The following UGGT2 variants were observed in gnomAD, a reference collection of about 807,000 sequenced individuals.
The protein encoded by UGGT2 is UDP-glucose glycoprotein glucosyltransferase 2.
UGGT2 carries 180 observed loss-of-function variants against 192.1 expected under a neutral mutation model. The observed-to-expected ratio is 0.94, with a 90% CI of 0.83 to 1.06. The LOEUF (loss-of-function observed/expected upper bound fraction) is 1.06. Ranked by LOEUF, UGGT2 falls within the 50% of genes least tolerant of loss-of-function variation. The pLI is 0.00. For synonymous variants in UGGT2, 580 were observed against 591.0 expected (o/e 0.98, Z 0.27); for missense variants, 1,849 against 1,795.7 (o/e 1.03, Z -0.54).
chr13:95,942,221 GGTGTGTGT>G (rs370041064), intron 15 of UGGT2, among the ~76,000 whole-genome samples: 1,939 of 118,026 alleles, frequency 0.016, 25 homozygotes, highest in South Asian at 0.042. Context: ...TTAGGGTGAG[GGTGTGTGT>G]GTGTGTGTGT....
intron 2 of UGGT2, among the ~76,000 whole-genome samples, chr13:96,026,811 A>G (rs2052683189): frequency 6.6e-6 from 1 of 151,936 alleles, no homozygotes; most frequent in African/African-American, 2.4e-5. Flanking sequence ...AGCTGGGACT[A>G]CAGGCGCCCT....
At chr13:95,978,134 A>G (rs2050997848) in intron 10 of UGGT2, among the ~76,000 whole-genome samples, 1 of 152,064 alleles carries the variant, frequency 6.6e-6, no homozygotes, top group Non-Finnish European at 1.5e-5. Flanking sequence ...GCACAAGTGT[A>G]CCTACGTAAC....
chr13:96,018,849 CA>C (rs2052422151), intron 4 of UGGT2, among the ~76,000 whole-genome samples: 1 of 150,348 alleles, frequency 6.7e-6, no homozygotes, highest in South Asian at 2.1e-4. Context: ...AAAAATTTAT[CA>C]GTCATTTCTT....
At chr13:95,881,522 T>C (rs1406376122) in intron 27 of UGGT2, among the ~76,000 whole-genome samples, 2 of 151,564 alleles carry the variant, frequency 1.3e-5, no homozygotes, top group African/African-American at 4.9e-5. Context: ...TAATACAGTA[T>C]TATTTAGGAT....
chr13:95,848,231 T>C (rs1407846650), intron 36 of UGGT2, among the ~76,000 whole-genome samples: 2 of 152,216 alleles, frequency 1.3e-5, no homozygotes, highest in Non-Finnish European at 2.9e-5. Flanking sequence ...CTTTTACAAA[T>C]ATATTTTTGC....
intron 12 of UGGT2, among the ~76,000 whole-genome samples, chr13:95,957,799 C>G (rs1272813485): frequency 6.6e-6 from 1 of 152,218 alleles, no homozygotes; most frequent in Non-Finnish European, 1.5e-5. Context: ...GTGTGACTCT[C>G]TCTCAGCATT....
intron 38 of UGGT2, among the ~76,000 whole-genome samples, chr13:95,828,612 A>T (rs1410325719): frequency 6.6e-6 from 1 of 152,126 alleles, no homozygotes; most frequent in Non-Finnish European, 1.5e-5. Context: ...CCCAAGACTA[A>T]ACCAGGAAGA....
chr13:95,954,519 C>A (rs1216339882), intron 12 of UGGT2, among the ~76,000 whole-genome samples: 1 of 152,172 alleles, frequency 6.6e-6, no homozygotes, highest in Non-Finnish European at 1.5e-5. Context: ...GAAGCTGCCA[C>A]CTGAAGGCTT....
At chr13:95,845,312 G>C (rs1888284142) in intron 36 of UGGT2, among the ~76,000 whole-genome samples, 1 of 147,204 alleles carries the variant, frequency 6.8e-6, no homozygotes, top group Admixed American at 6.8e-5. Flanking sequence ...TTCCTAGGCA[G>C]AGGGCCCTGC....
At chr13:95,936,328 T>G (rs1475895703) in intron 17 of UGGT2, among the ~76,000 whole-genome samples, 2 of 152,246 alleles carry the variant, frequency 1.3e-5, no homozygotes, top group East Asian at 3.8e-4. Context: ...ACCTACAAGC[T>G]AGTAGATAGC....
Position 95,940,459 on chromosome 13 carries a change from T to TTC in UGGT2, c.1678-369_1678-368insGA, listed in dbSNP as rs1305215130. Reference sequence around the variant, plus strand: ...TTCTGTAATTTTTTTCTTTTTCTTTTTTTTTTTTTTTTTTGAGACAGGGTC... The same window carrying TTC: ...TTCTGTAATTTTTTTCTTTTTCTTTTTCTTTTTTTTTTTTTTGAGACAGGGTC... On this transcript the variant is annotated intron_variant, in intron 15 of 38. Transcript: ENST00000376747. 2.3e-3 allele frequency among the ~76,000 whole-genome samples: 332 copies of TTC among 147,466 alleles called. 1 individual carries two copies. The highest frequency in any genetic ancestry group is 7.9e-3 in the African/African-American group (321 of 40,512).
intron 36 of UGGT2, among the ~76,000 whole-genome samples, chr13:95,837,736 C>T (rs1887462495): frequency 6.6e-6 from 1 of 152,190 alleles, no homozygotes; most frequent in Non-Finnish European, 1.5e-5. Context: ...TGGAGAGAAT[C>T]AGACAAATCT....
chr13:95,906,211 T>C (rs2048286267), intron 20 of UGGT2, among the ~76,000 whole-genome samples: 1 of 152,206 alleles, frequency 6.6e-6, no homozygotes, highest in African/African-American at 2.4e-5. Flanking sequence ...TCGATATTTT[T>C]CATACTATTG....
intron 17 of UGGT2, among the ~76,000 whole-genome samples, chr13:95,933,969 C>G (rs2049376555): frequency 6.6e-6 from 1 of 152,152 alleles, no homozygotes; most frequent in South Asian, 2.1e-4. Flanking sequence ...CAGGCGTGAG[C>G]CACCGCGCCT....
chr13:95,983,330 T>C (rs2051186443), intron 10 of UGGT2, among the ~76,000 whole-genome samples: 1 of 152,154 alleles, frequency 6.6e-6, no homozygotes, highest in Non-Finnish European at 1.5e-5. Flanking sequence ...GGCAGTGGTG[T>C]AAGCACTTTA....
At chr13:96,022,902 T>G (rs1173329649) in intron 4 of UGGT2, 138 bp downstream of exon 4, 16 of 470,670 alleles carry the variant, frequency 3.4e-5, no homozygotes, top group Non-Finnish European at 5.2e-5. Context: ...CTCAGATATA[T>G]TACGGTTTTC....
At chr13:95,981,944 T>A (rs2051138978) in intron 10 of UGGT2, among the ~76,000 whole-genome samples, 1 of 152,240 alleles carries the variant, frequency 6.6e-6, no homozygotes, top group South Asian at 2.1e-4. Flanking sequence ...GACATTATCA[T>A]CCTTGTCTTT....
intron 12 of UGGT2, among the ~76,000 whole-genome samples, chr13:95,969,789 C>T (rs1452225817): frequency 6.6e-6 from 1 of 152,200 alleles, no homozygotes; most frequent in Non-Finnish European, 1.5e-5. Context: ...GTTAAGGTAG[C>T]ACTTTTATAT....
rs146990164 is a variant in UGGT2 at position 95,914,612 on chromosome 13, TAAAAAAAAAAAAAAAAAAAAAA to T, written c.2295+11046_2295+11067del. Among the ~76,000 whole-genome samples, 43 of 81,000 alleles carry T rather than the reference TAAAAAAAAAAAAAAAAAAAAAA, an allele frequency of 5.3e-4. 1 individual carries two copies. The highest frequency in any genetic ancestry group is 3.2e-3 in the Admixed American group (19 of 5,858). The allele number at this position is 81,000 out of a possible 152,430, so 53.1% of individuals were successfully genotyped here. On this transcript the variant is annotated intron_variant, in intron 20 of 38. Transcript: ENST00000376747. ...CATTATGGTGAAACTCCATCTCTAC[TAAAAAAAAAAAAAAAAAAAAAA>T]AAAAAAAAAAAAAAAATTAGCTGGG...
Sources: gnomAD v4.1 joint callset for allele counts (sites outside exome capture counted in the v4.1 genomes callset) on GRCh38, gnomAD v4.1.1 for gene constraint, MANE v1.5 for transcripts, NCBI Gene and HGNC (gene_info 2026-07-23, HGNC 2026-07-21) for gene names.